ARHGAP10: variants seen among roughly 807,000 people sequenced by gnomAD.
ARHGAP10 encodes the protein rho GTPase-activating protein 10.
Under a neutral mutation model 108.6 loss-of-function variants are expected in ARHGAP10, and 87 were observed. The observed-to-expected ratio is 0.80, with a 90% CI of 0.67 to 0.96. The LOEUF (loss-of-function observed/expected upper bound fraction) is 0.96. ARHGAP10 is among the 40% of genes least tolerant of loss of function. ARHGAP10 has a pLI of 0.00. For synonymous variants in ARHGAP10, 347 were observed against 341.1 expected (o/e 1.02, Z -0.19); for missense variants, 939 against 954.5 (o/e 0.98, Z 0.21).
At chr4:147,733,681 C>A (rs1391034019) in intron 1 of ARHGAP10, among the ~76,000 whole-genome samples, 1 of 152,166 alleles carries the variant, frequency 6.6e-6, no homozygotes, top group Non-Finnish European at 1.5e-5. Flanking sequence ...TCTCGGGCAC[C>A]CAGCATGGTG....
intron 18 of ARHGAP10, among the ~76,000 whole-genome samples, chr4:147,985,815 A>G (rs752196421): frequency 4.6e-5 from 7 of 152,206 alleles, no homozygotes; most frequent in Non-Finnish European, 1.0e-4. Flanking sequence ...CCAAGGCTGA[A>G]GAGAAACAAA....
intron 13 of ARHGAP10, among the ~76,000 whole-genome samples, chr4:147,915,737 GA>G (rs1358709178): frequency 6.6e-6 from 1 of 152,008 alleles, no homozygotes; most frequent in African/African-American, 2.4e-5. Context: ...TTCCATTACT[GA>G]AACTTTTGCT....
intron 1 of ARHGAP10, among the ~76,000 whole-genome samples, chr4:147,784,126 TTAAATTGTGTATTATATATTTTACATAAC>T (rs1730699475): frequency 8.0e-6 from 1 of 124,760 alleles, no homozygotes; most frequent in Non-Finnish European, 1.6e-5. Flanking sequence ...TTACATAACA[TTAAATTGTGTATTATATATTTTACATAAC>T]ATTAAATTGT....
At chr4:147,939,210 G>A (rs1387884019) in intron 13 of ARHGAP10, among the ~76,000 whole-genome samples, 1 of 152,092 alleles carries the variant, frequency 6.6e-6, no homozygotes, top group East Asian at 1.9e-4. Context: ...TCTTTTATAT[G>A]TCTCTTGTTT....
chr4:147,870,254 C>T (rs760151693), intron 7 of ARHGAP10, among the ~76,000 whole-genome samples: 4 of 151,924 alleles, frequency 2.6e-5, no homozygotes, highest in Admixed American at 6.6e-5. Flanking sequence ...ATAGAGACGG[C>T]GATTCACCGT....
chr4:147,975,164 T>C (rs994717230), intron 18 of ARHGAP10, among the ~76,000 whole-genome samples: 1 of 152,202 alleles, frequency 6.6e-6, no homozygotes, highest in African/African-American at 2.4e-5. Flanking sequence ...GTAATAAGCA[T>C]TTTAGCCTTT....
At chr4:147,983,187 GT>G (rs34988080) in intron 18 of ARHGAP10, among the ~76,000 whole-genome samples, 12,248 of 131,462 alleles carry the variant, frequency 0.093, 1,134 homozygotes, top group African/African-American at 0.27. Flanking sequence ...TGGCTGCTTT[GT>G]TTTTTTTTTT....
At chr4:147,978,672 A>C (rs1029403868) in intron 18 of ARHGAP10, among the ~76,000 whole-genome samples, 4 of 152,172 alleles carry the variant, frequency 2.6e-5, no homozygotes, top group Non-Finnish European at 4.4e-5. Context: ...CTTCATGTAC[A>C]GCCTGTGGAA....
At chr4:147,878,772 C>CT (rs1358773366) in intron 8 of ARHGAP10, among the ~76,000 whole-genome samples, 57 of 140,262 alleles carry the variant, frequency 4.1e-4, no homozygotes, top group African/African-American at 1.5e-3. Flanking sequence ...TTCCTTCTTC[C>CT]TCTTTTTTTT....
At chr4:147,742,333 A>G (rs1728713934) in intron 1 of ARHGAP10, among the ~76,000 whole-genome samples, 1 of 152,064 alleles carries the variant, frequency 6.6e-6, no homozygotes, top group African/African-American at 2.4e-5. Context: ...CACATTACAT[A>G]TTAAAAGATC....
At chr4:147,938,715 T>C (rs1156596745) in intron 13 of ARHGAP10, among the ~76,000 whole-genome samples, 1 of 152,214 alleles carries the variant, frequency 6.6e-6, no homozygotes, top group Non-Finnish European at 1.5e-5. Context: ...CATGGCCTTT[T>C]GTTGTGTTAT....
intron 10 of ARHGAP10, among the ~76,000 whole-genome samples, chr4:147,897,038 G>T (rs1313018523): frequency 6.6e-6 from 1 of 151,826 alleles, no homozygotes; most frequent in African/African-American, 2.4e-5. Context: ...AAATATCTCT[G>T]TGCTAATAAT....
At chr4:148,008,751 C>T (rs1381183298) in intron 18 of ARHGAP10, among the ~76,000 whole-genome samples, 2 of 152,028 alleles carry the variant, frequency 1.3e-5, no homozygotes, top group African/African-American at 2.4e-5. Flanking sequence ...TTTCAGGGTT[C>T]TGTGAGGTGA....
chr4:147,786,141 A>G (rs755658786), intron 1 of ARHGAP10, among the ~76,000 whole-genome samples: 2 of 152,140 alleles, frequency 1.3e-5, no homozygotes, highest in Non-Finnish European at 2.9e-5. Flanking sequence ...GGAGCTGTGA[A>G]ATCTCTAAAG....
intron 15 of ARHGAP10, among the ~76,000 whole-genome samples, chr4:147,947,232 T>G (rs1165786795): frequency 1.3e-5 from 2 of 150,950 alleles, no homozygotes; most frequent in African/African-American, 2.4e-5. Context: ...ACTGTCTTTT[T>G]TTTTTTTTTT....
At chr4:147,918,001 G>A (rs982949557) in intron 13 of ARHGAP10, among the ~76,000 whole-genome samples, 3 of 151,932 alleles carry the variant, frequency 2.0e-5, no homozygotes, top group Non-Finnish European at 2.9e-5. Context: ...GTTTGGTTAC[G>A]GTATCAAAAC....
intron 3 of ARHGAP10, among the ~76,000 whole-genome samples, chr4:147,833,928 A>G (rs1337082006): frequency 6.6e-6 from 1 of 152,216 alleles, no homozygotes; most frequent in Non-Finnish European, 1.5e-5. Context: ...AGGAGGAGTG[A>G]CATTGACTAT....
intron 4 of ARHGAP10, among the ~76,000 whole-genome samples, chr4:147,848,893 T>C (rs1404237357): frequency 6.6e-6 from 1 of 152,202 alleles, no homozygotes; most frequent in Non-Finnish European, 1.5e-5. Context: ...AAAGGAGAAA[T>C]GGTTACAATA....
At chr4:147,951,294 C>A (rs957010212) in intron 15 of ARHGAP10, among the ~76,000 whole-genome samples, 1 of 151,856 alleles carries the variant, frequency 6.6e-6, no homozygotes, top group African/African-American at 2.4e-5. Flanking sequence ...GCTAGATAAC[C>A]ATTTTTCTTC....
Sources: gnomAD v4.1 joint callset for allele counts (sites outside exome capture counted in the v4.1 genomes callset) on GRCh38, gnomAD v4.1.1 for gene constraint, MANE v1.5 for transcripts, NCBI Gene and HGNC (gene_info 2026-07-23, HGNC 2026-07-21) for gene names.